The following PTPRT variants were observed in gnomAD, a reference collection of about 807,000 sequenced individuals.
PTPRT encodes protein tyrosine phosphatase receptor type T, also known as receptor-type tyrosine-protein phosphatase T.
A neutral mutation model predicts 176.8 loss-of-function variants in PTPRT; 56 were observed. The observed-to-expected ratio is 0.32, with a 90% CI of 0.26 to 0.40. The LOEUF (loss-of-function observed/expected upper bound fraction) is 0.40. Among genes scored for constraint, PTPRT ranks in the 10% least tolerant of loss-of-function variants. PTPRT has a pLI of 1.00. For missense variants in PTPRT, 1,540 were observed against 1,908.2 expected (o/e 0.81, Z 3.60); for synonymous variants, 783 against 739.0 (o/e 1.06, Z -0.96).
intron 15 of PTPRT, among the ~76,000 whole-genome samples, chr20:42,220,481 G>A (rs1464970523): frequency 3.3e-5 from 5 of 152,108 alleles, no homozygotes; most frequent in South Asian, 2.1e-4. Context: ...GGAAGCTGAG[G>A]CAGGACTGTT....
chr20:43,056,029 A>G (rs1318181570), intron 1 of PTPRT, among the ~76,000 whole-genome samples: 3 of 152,362 alleles, frequency 2.0e-5, no homozygotes, highest in South Asian at 2.1e-4. Flanking sequence ...TCTAATTTAA[A>G]CCACTAATTA....
intron 7 of PTPRT, among the ~76,000 whole-genome samples, chr20:42,541,994 G>A (rs1029650567): frequency 1.3e-5 from 2 of 152,084 alleles, no homozygotes; most frequent in South Asian, 2.1e-4. Context: ...TTGAATCATG[G>A]GGGTAGGTTT....
chr20:42,479,339 T>A (rs1386515397), intron 7 of PTPRT, among the ~76,000 whole-genome samples: 1 of 152,258 alleles, frequency 6.6e-6, no homozygotes, highest in Non-Finnish European at 1.5e-5. Context: ...TAATTTTTTA[T>A]CCATTTGGAG....
At chr20:43,067,008 G>C (rs2146262802) in intron 1 of PTPRT, among the ~76,000 whole-genome samples, 1 of 152,256 alleles carries the variant, frequency 6.6e-6, no homozygotes, top group Non-Finnish European at 1.5e-5. Flanking sequence ...CTGTTCTGCA[G>C]GAATAAAGAA....
At position 43,189,517 on chromosome 20, in the gene PTPRT, G is replaced by A. The variant is rs1225245643; in HGVS notation, c.88+129C>T. The stretch of plus-strand genomic sequence containing the variant: ...CCCGCGCCTGCAAGCTGAGACCCGG[G>A]TTCCGGCCATGGGGACCCGCGCCCC... On this transcript the variant is annotated intron_variant, in intron 1 of 30. Coordinates refer to ENST00000373187, the MANE Select transcript of PTPRT (RefSeq NM_007050.6). The surrounding 1 kb of genome is among the most constrained non-coding windows in gnomAD (Gnocchi z 5.0). The A allele has an allele frequency of 1.4e-5, 7 of 506,206 alleles. No individual in the cohort carries two copies. Among genetic ancestry groups the A allele is most frequent in the African/African-American group, 2.0e-5 (1 of 49,906 alleles). 31.4% of individuals were successfully genotyped at this position (506,206 alleles called of 1,614,324 possible). A position where few individuals can be genotyped will look rare whatever the true frequency, so the allele number is the denominator to read the frequency against.
chr20:43,126,635 G>GATACAAAAAGATT (rs1267912100), intron 1 of PTPRT, among the ~76,000 whole-genome samples: 1 of 152,174 alleles, frequency 6.6e-6, no homozygotes, highest in African/African-American at 2.4e-5. Context: ...ACAAAAAGAT[G>GATACAAAAAGATT]TTACAAAGGT....
rs557250189 is a variant in PTPRT at position 43,014,245 on chromosome 20, C to A, written c.89-128313G>T. Reference sequence around the variant, plus strand: ...ACTCTGATGGCTGGAACCCTCCTCTCCAAGTCTGTCGCTCTGTTATCTGCA... The same window carrying A: ...ACTCTGATGGCTGGAACCCTCCTCTACAAGTCTGTCGCTCTGTTATCTGCA... On this transcript the variant is annotated intron_variant, in intron 1 of 30. Transcript: ENST00000373187. 2.0e-5 allele frequency among the ~76,000 whole-genome samples: 3 copies of A among 152,330 alleles called. No homozygotes were observed. The South Asian group carries it at 6.2e-4, about 32-fold the overall frequency.
intron 12 of PTPRT, among the ~76,000 whole-genome samples, chr20:42,302,301 C>G (rs1054593624): frequency 2.0e-5 from 3 of 152,266 alleles, no homozygotes; most frequent in South Asian, 4.1e-4. Context: ...TTTAGCATGG[C>G]ATACAAAGCC....
At chr20:42,444,099 C>G (rs746483323) in intron 9 of PTPRT, among the ~76,000 whole-genome samples, 13 of 152,150 alleles carry the variant, frequency 8.5e-5, no homozygotes, top group Non-Finnish European at 1.2e-4. Context: ...TGGCCCTACC[C>G]ACCCTTTCCC....
intron 11 of PTPRT, among the ~76,000 whole-genome samples, chr20:42,316,660 A>C (rs1335106370): frequency 2.6e-5 from 4 of 152,076 alleles, no homozygotes; most frequent in Admixed American, 1.3e-4. Flanking sequence ...TCTGTCTTCC[A>C]TTTAGAAGGT....
At chr20:42,623,628 G>A (rs371454281) in intron 7 of PTPRT, among the ~76,000 whole-genome samples, 1 of 152,130 alleles carries the variant, frequency 6.6e-6, no homozygotes, top group Non-Finnish European at 1.5e-5. Context: ...TAGGGCCTTC[G>A]AGTTATTGGA....
intron 6 of PTPRT, among the ~76,000 whole-genome samples, chr20:42,717,655 T>C (rs1461285464): frequency 6.6e-6 from 1 of 152,126 alleles, no homozygotes; most frequent in Admixed American, 6.5e-5. Flanking sequence ...AGACTGATAA[T>C]GGGACATCTT....
the PTPRT span, among the ~76,000 whole-genome samples, chr20:42,035,179 C>T: frequency 6.6e-6 from 1 of 152,188 alleles, no homozygotes; most frequent in African/African-American, 2.4e-5. Flanking sequence ...CTAGTTCCCA[C>T]TGACCTCTCA....
At chr20:42,928,546 A>T (rs992707890) in intron 1 of PTPRT, among the ~76,000 whole-genome samples, 3 of 152,168 alleles carry the variant, frequency 2.0e-5, no homozygotes, top group African/African-American at 7.2e-5. Context: ...GAGGGAGAAT[A>T]TCAGGGGCCA....
chr20:42,646,757 T>C (rs929670123), intron 7 of PTPRT, among the ~76,000 whole-genome samples: 14 of 151,872 alleles, frequency 9.2e-5, no homozygotes, highest in African/African-American at 3.1e-4. Flanking sequence ...ATACTTAACC[T>C]GACCACATTC....
intron 5 of PTPRT, among the ~76,000 whole-genome samples, chr20:42,762,426 A>T (rs1222653798): frequency 6.6e-6 from 1 of 152,218 alleles, no homozygotes; most frequent in East Asian, 1.9e-4. Flanking sequence ...TAAGTCCCTT[A>T]ATGGAAAGCA....
intron 22 of PTPRT, among the ~76,000 whole-genome samples, chr20:42,111,115 C>A (rs1169861300): frequency 6.6e-6 from 1 of 152,164 alleles, no homozygotes; most frequent in African/African-American, 2.4e-5. Flanking sequence ...GGTTCCCCTC[C>A]CCTTTCACAC....
chr20:42,718,329 G>A (rs1456984197), intron 6 of PTPRT, among the ~76,000 whole-genome samples: 2 of 152,042 alleles, frequency 1.3e-5, no homozygotes, highest in Non-Finnish European at 2.9e-5. Flanking sequence ...CGAGGTCAGG[G>A]GATCAAGACC....
intron 1 of PTPRT, among the ~76,000 whole-genome samples, chr20:43,039,800 G>A (rs137995542): frequency 2.9e-4 from 44 of 152,180 alleles, no homozygotes; most frequent in African/African-American, 9.7e-4. Flanking sequence ...CAGCACTTCA[G>A]TAGGCTAAGG....
Sources: gnomAD v4.1 joint callset for allele counts (sites outside exome capture counted in the v4.1 genomes callset) on GRCh38, gnomAD v4.1.1 for gene constraint, Gnocchi (gnomAD v3.1) non-coding constraint, MANE v1.5 for transcripts, NCBI Gene and HGNC (gene_info 2026-07-23, HGNC 2026-07-21) for gene names.